CBLN2: variants seen among roughly 807,000 people sequenced by gnomAD.
The protein encoded by CBLN2 is cerebellin 2 precursor.
In CBLN2, 7 loss-of-function variants were observed where a neutral mutation model predicts 15.0. That is an observed-to-expected ratio of 0.47 (90% CI 0.27 to 0.88). The LOEUF is 0.88. Among genes scored for constraint, CBLN2 ranks in the 40% least tolerant of loss-of-function variants. The pLI is 0.14. For synonymous variants in CBLN2, 149 were observed against 135.2 expected, an observed-to-expected ratio of 1.10 and a Z score of -0.71; for missense variants, 242 against 304.5, an observed-to-expected ratio of 0.79 and a Z score of 1.53.
intron 1 of CBLN2, among the ~76,000 whole-genome samples, chr18:72,576,408 A>G (rs1481527453): frequency 1.3e-5 from 2 of 152,210 alleles, no homozygotes; most frequent in Non-Finnish European, 2.9e-5. Context: ...AATTTTGCCA[A>G]TATTTAAAAA....
chr18:72,557,579 A>T (rs2069234263), intron 1 of CBLN2, among the ~76,000 whole-genome samples: 1 of 152,220 alleles, frequency 6.6e-6, no homozygotes, highest in South Asian at 2.1e-4. Context: ...CAGCCATAAA[A>T]CAGTATGAGA....
intron 1 of CBLN2, among the ~76,000 whole-genome samples, chr18:72,575,286 G>A (rs906316252): frequency 2.6e-5 from 4 of 152,146 alleles, no homozygotes; most frequent in African/African-American, 9.7e-5. Context: ...TGCCTGTCAA[G>A]ATCATCAGAA....
chr18:72,576,103 A>T (rs2069364881), intron 1 of CBLN2, among the ~76,000 whole-genome samples: 1 of 152,212 alleles, frequency 6.6e-6, no homozygotes, highest in Non-Finnish European at 1.5e-5. Flanking sequence ...GCTAAAACTA[A>T]CATTAAACTA....
At chr18:72,539,555 A>T (rs1426351058) in intron 3 of CBLN2, 1 of 152,324 alleles carries the variant, frequency 6.6e-6, no homozygotes, top group African/African-American at 2.4e-5. Context: ...TCCTTAGCTT[A>T]AGCTAATGGG....
At chr18:72,555,426 G>A (rs911280098) in intron 1 of CBLN2, among the ~76,000 whole-genome samples, 1 of 149,664 alleles carries the variant, frequency 6.7e-6, no homozygotes, top group Non-Finnish European at 1.5e-5. Flanking sequence ...GTGAATATGT[G>A]TTTGACTATG....
chr18:72,591,596 C>T (rs1232417767), intron 1 of CBLN2, among the ~76,000 whole-genome samples: 1 of 152,130 alleles, frequency 6.6e-6, no homozygotes, highest in East Asian at 1.9e-4. Context: ...AGATCCTGCT[C>T]ATTCTTTGTA....
chr18:72,561,242 C>A (rs2069259244), intron 1 of CBLN2, among the ~76,000 whole-genome samples: 2 of 43,338 alleles, frequency 4.6e-5, no homozygotes, highest in Non-Finnish European at 9.3e-5. Flanking sequence ...AAACAACAAC[C>A]CAAAAAAAAA....
intron 1 of CBLN2, among the ~76,000 whole-genome samples, chr18:72,567,742 T>A (rs914117554): frequency 7.9e-5 from 12 of 152,216 alleles, no homozygotes; most frequent in African/African-American, 2.7e-4. Context: ...AAATTCCTGT[T>A]ACACAGATGC....
intron 1 of CBLN2, among the ~76,000 whole-genome samples, chr18:72,614,920 A>G (rs1271765517): frequency 6.6e-6 from 1 of 150,444 alleles, no homozygotes; most frequent in Non-Finnish European, 1.5e-5. Flanking sequence ...TATTACAAGA[A>G]TATTTCCACT....
chr18:72,584,152 C>T (rs686105), intron 1 of CBLN2, among the ~76,000 whole-genome samples: 52,491 of 151,818 alleles, frequency 0.35, 11,403 homozygotes, highest in African/African-American at 0.6. Flanking sequence ...TTGTCCTGCA[C>T]ATAGTCACAG....
rs140746854 is a variant in CBLN2 at position 72,590,764 on chromosome 18, A to G, written c.15+47561T>C. The stretch of plus-strand genomic sequence containing the variant: ...TAAAACCATTGATTCCTTCAGGTGA[A>G]TAGTGATGTCTAAGTCCCATCCTTC... On this transcript the variant is annotated intron_variant, in intron 1 of 2. Coordinates refer to the CBLN2 transcript ENST00000581073. Among the ~76,000 whole-genome samples, 993 of 152,312 alleles carry G rather than the reference A, an allele frequency of 6.5e-3. 4 individuals are homozygous for G. The highest frequency in any genetic ancestry group is 7.7e-3 in the Non-Finnish European group (527 of 68,024).
At chr18:72,587,193 G>T (rs999755679) in intron 1 of CBLN2, among the ~76,000 whole-genome samples, 1 of 151,934 alleles carries the variant, frequency 6.6e-6, no homozygotes, top group Non-Finnish European at 1.5e-5. Context: ...TTGGCATGAG[G>T]TGGTGATATT....
upstream of CBLN2, among the ~76,000 whole-genome samples, chr18:72,545,101 T>C (rs1399652583): frequency 6.6e-6 from 1 of 152,182 alleles, no homozygotes; most frequent in Non-Finnish European, 1.5e-5. Flanking sequence ...AGTGTCTGAT[T>C]CCACCTTAAC....
chr18:72,634,148 TA>T (rs1212008562), intron 1 of CBLN2, among the ~76,000 whole-genome samples: 1 of 152,036 alleles, frequency 6.6e-6, no homozygotes, highest in Non-Finnish European at 1.5e-5. Context: ...GGTTTAGACA[TA>T]AACAAAATGT....
intron 1 of CBLN2, among the ~76,000 whole-genome samples, chr18:72,573,947 G>T (rs750587617): frequency 1.4e-4 from 22 of 152,128 alleles, no homozygotes; most frequent in South Asian, 2.1e-4. Context: ...GCCAGCATTT[G>T]CTGTTTTCCT....
Position 72,592,578 on chromosome 18 carries a change from C to A in CBLN2, c.15+45747G>T, listed in dbSNP as rs117353403. Among the ~76,000 whole-genome samples the A allele has an allele frequency of 3.6e-3, 543 of 152,146 alleles. 8 individuals are homozygous for A. In the East Asian group the frequency reaches 0.073, roughly 20 times the overall value. ...AAGAAATCTTTGCCCACTCCAATGT[C>A]CTGGAGATTTTCTCCAATTTTTTCT... On this transcript the variant is annotated intron_variant, in intron 1 of 2. Transcript: ENST00000581073.
At chr18:72,562,296 A>C (rs368380144) in intron 1 of CBLN2, among the ~76,000 whole-genome samples, 37 of 152,348 alleles carry the variant, frequency 2.4e-4, no homozygotes, top group African/African-American at 7.9e-4. Flanking sequence ...AGGATAAAAT[A>C]TATATCAAGC....
At position 72,615,283 on chromosome 18, in the gene CBLN2, T is replaced by TATA. The variant is rs74184951; in HGVS notation, c.15+23041_15+23042insTAT. Among the ~76,000 whole-genome samples, 783 of 111,916 alleles carry TATA rather than the reference T, an allele frequency of 7.0e-3. 7 individuals are homozygous for TATA. Among genetic ancestry groups the TATA allele is most frequent in the Non-Finnish European group, 8.9e-3 (543 of 61,192 alleles). 73.4% of individuals were successfully genotyped at this position (111,916 alleles called of 152,430 possible). ...TATGTATATATTATATATATATATA[T>TATA]TTTTTTTTTGAGACAGAGTTTTGCT... On this transcript the variant is annotated intron_variant, in intron 1 of 2. Transcript: ENST00000581073.
At chr18:72,553,629 C>A (rs1391151211) in intron 1 of CBLN2, among the ~76,000 whole-genome samples, 1 of 152,116 alleles carries the variant, frequency 6.6e-6, no homozygotes, top group African/African-American at 2.4e-5. Flanking sequence ...AAAGCTCAGA[C>A]AAATCCTTAT....
Sources: gnomAD v4.1 joint callset for allele counts (sites outside exome capture counted in the v4.1 genomes callset) on GRCh38, gnomAD v4.1.1 for gene constraint, MANE v1.5 for transcripts, NCBI Gene and HGNC (gene_info 2026-07-23, HGNC 2026-07-21) for gene names.